The following CTNND2 variants were observed in gnomAD, a reference collection of about 807,000 sequenced individuals.
CTNND2 encodes catenin delta-2.
In CTNND2, 22 loss-of-function variants were observed where a neutral mutation model predicts 144.4. The observed-to-expected ratio is 0.15, with a 90% CI of 0.11 to 0.22. The LOEUF is 0.22. Ranked by LOEUF, CTNND2 falls within the 10% of genes least tolerant of loss-of-function variation. The pLI is 1.00. For synonymous variants in CTNND2, 751 were observed against 695.6 expected, an observed-to-expected ratio of 1.08 and a Z score of -1.25; for missense variants, 1,353 against 1,618.8, an observed-to-expected ratio of 0.84 and a Z score of 2.82.
Position 11,572,791 on chromosome 5 carries a change from G to A in CTNND2, c.175-7735C>T, listed in dbSNP as rs369329988. 3.2e-4 allele frequency among the ~76,000 whole-genome samples: 48 copies of A among 152,242 alleles called. 1 individual carries two copies. In the South Asian group the frequency reaches 9.3e-3, roughly 30 times the overall value. On this transcript the variant is annotated intron_variant, in intron 2 of 21. Coordinates refer to ENST00000304623, the MANE Select transcript of CTNND2 (RefSeq NM_001332.4). Reference sequence around the variant, plus strand: ...CAGATGCACAAATGCCACCACGATCGAGTTAGCTGCATGTAAAATAAGAGA... The same window carrying A: ...CAGATGCACAAATGCCACCACGATCAAGTTAGCTGCATGTAAAATAAGAGA...
At chr5:10,993,256 A>G (rs1465582635) in intron 18 of CTNND2, among the ~76,000 whole-genome samples, 1 of 152,196 alleles carries the variant, frequency 6.6e-6, no homozygotes, top group African/African-American at 2.4e-5. Context: ...CATCCTACCA[A>G]GCCTCCGTTA....
At chr5:11,317,917 C>T (rs971951409) in intron 9 of CTNND2, among the ~76,000 whole-genome samples, 4 of 152,152 alleles carry the variant, frequency 2.6e-5, no homozygotes, top group African/African-American at 4.8e-5. Context: ...ACATGGATCA[C>T]GGTACTAAAA....
At chr5:11,029,400 T>G (rs1169236059) in intron 16 of CTNND2, among the ~76,000 whole-genome samples, 3 of 152,236 alleles carry the variant, frequency 2.0e-5, no homozygotes, top group Non-Finnish European at 4.4e-5. Context: ...GTTGATTGTT[T>G]TCTGTAGTGA....
intron 2 of CTNND2, among the ~76,000 whole-genome samples, chr5:11,689,575 T>C (rs1405838536): frequency 6.6e-6 from 1 of 152,212 alleles, no homozygotes; most frequent in Non-Finnish European, 1.5e-5. Flanking sequence ...TTGTACAGAA[T>C]ATTGTCACTT....
intron 5 of CTNND2, among the ~76,000 whole-genome samples, chr5:11,410,746 G>A (rs1761452676): frequency 6.6e-6 from 1 of 152,038 alleles, no homozygotes; most frequent in Non-Finnish European, 1.5e-5. Flanking sequence ...TTATTGCATA[G>A]TACCTTAGCA....
intron 7 of CTNND2, among the ~76,000 whole-genome samples, chr5:11,368,162 T>A (rs571908622): frequency 6.6e-6 from 1 of 152,270 alleles, no homozygotes; most frequent in East Asian, 1.9e-4. Flanking sequence ...TATTGGAATT[T>A]CCCTAGATAT....
At chr5:11,538,246 T>C (rs1774401249) in intron 3 of CTNND2, among the ~76,000 whole-genome samples, 1 of 152,194 alleles carries the variant, frequency 6.6e-6, no homozygotes, top group African/African-American at 2.4e-5. Context: ...TTTCATCTAA[T>C]GGGAGAGTGG....
intron 13 of CTNND2, among the ~76,000 whole-genome samples, chr5:11,113,846 T>C (rs190822590): frequency 9.2e-5 from 14 of 152,344 alleles, no homozygotes; most frequent in Admixed American, 6.5e-4. Context: ...TTCCCTCCAC[T>C]GGCTGGAATC....
intron 1 of CTNND2, among the ~76,000 whole-genome samples, chr5:11,827,470 G>A (rs749040120): frequency 7.9e-5 from 12 of 151,926 alleles, no homozygotes; most frequent in Non-Finnish European, 1.3e-4. Context: ...TGAGAAAAGG[G>A]AAATAATAGA....
intron 7 of CTNND2, among the ~76,000 whole-genome samples, chr5:11,376,326 G>GTGTGTGTGTGTGTGTGTTCATGTATC (rs1757943734): frequency 2.6e-5 from 4 of 151,970 alleles, no homozygotes; most frequent in Admixed American, 2.0e-4. Context: ...GTGTGTGTGT[G>GTGTGTGTGTGTGTGTGTTCATGTATC]TGTGTGTGTG....
chr5:11,205,811 C>A (rs1293395065), intron 10 of CTNND2, among the ~76,000 whole-genome samples: 1 of 152,136 alleles, frequency 6.6e-6, no homozygotes, highest in Non-Finnish European at 1.5e-5. Context: ...GATAGGTGAA[C>A]CAAGATGAGC....
chr5:11,396,637 C>T (rs1760166295), intron 6 of CTNND2, among the ~76,000 whole-genome samples: 1 of 152,110 alleles, frequency 6.6e-6, no homozygotes, highest in African/African-American at 2.4e-5. Flanking sequence ...AAAGCAATCC[C>T]ATGCTTTTTT....
At chr5:11,259,193 C>T (rs1020409157) in intron 9 of CTNND2, among the ~76,000 whole-genome samples, 2 of 152,196 alleles carry the variant, frequency 1.3e-5, no homozygotes, top group Admixed American at 6.5e-5. Context: ...TGATGGTCTG[C>T]CCTGCAGATT....
At chr5:11,090,950 G>C (rs1750709875) in intron 15 of CTNND2, among the ~76,000 whole-genome samples, 1 of 151,908 alleles carries the variant, frequency 6.6e-6, no homozygotes, top group African/African-American at 2.4e-5. Flanking sequence ...TTTTATTGCT[G>C]ACTTTGAGCA....
chr5:11,811,925 A>AT (rs201368214), intron 1 of CTNND2, among the ~76,000 whole-genome samples: 75 of 152,298 alleles, frequency 4.9e-4, no homozygotes, highest in African/African-American at 1.7e-3. Flanking sequence ...ATTTTTAAAG[A>AT]TTTTTAAAAA....
intron 3 of CTNND2, among the ~76,000 whole-genome samples, chr5:11,562,969 G>A (rs1051714727): frequency 3.9e-5 from 6 of 152,170 alleles, no homozygotes; most frequent in African/African-American, 1.2e-4. Context: ...GAGGCTCACT[G>A]TTACCACAGA....
At chr5:11,258,717 C>A (rs757546923) in intron 9 of CTNND2, among the ~76,000 whole-genome samples, 2 of 152,080 alleles carry the variant, frequency 1.3e-5, no homozygotes, top group Admixed American at 6.6e-5. Context: ...TCTGAGATTG[C>A]AGAATTTAAA....
intron 9 of CTNND2, among the ~76,000 whole-genome samples, chr5:11,301,366 T>C (rs1338886011): frequency 6.6e-6 from 1 of 152,090 alleles, no homozygotes; most frequent in Non-Finnish European, 1.5e-5. Flanking sequence ...ACATCTGGAA[T>C]GCCCTCAGCT....
intron 9 of CTNND2, among the ~76,000 whole-genome samples, chr5:11,305,839 G>A (rs1750135753): frequency 6.6e-6 from 1 of 152,242 alleles, no homozygotes; most frequent in Non-Finnish European, 1.5e-5. Flanking sequence ...GGTTGGCCAA[G>A]TGAGAAACAT....
Sources: gnomAD v4.1 joint callset for allele counts (sites outside exome capture counted in the v4.1 genomes callset) on GRCh38, gnomAD v4.1.1 for gene constraint, MANE v1.5 for transcripts, NCBI Gene and HGNC (gene_info 2026-07-23, HGNC 2026-07-21) for gene names.